The following RBPMS variants were observed in gnomAD, a reference collection of about 807,000 sequenced individuals.
The protein encoded by RBPMS is RNA binding protein, mRNA processing factor.
RBPMS carries 7 observed loss-of-function variants against 26.8 expected under a neutral mutation model. The ratio of observed to expected loss-of-function variants is 0.26; its 90% CI spans 0.15 to 0.49. The LOEUF is 0.49. Ranked by LOEUF, RBPMS falls within the 20% of genes least tolerant of loss-of-function variation. The pLI, the probability that RBPMS is intolerant of heterozygous loss-of-function variation, is 0.98. For synonymous variants in RBPMS, 96 were observed against 93.3 expected, an observed-to-expected ratio of 1.03 and a Z score of -0.17; for missense variants, 186 against 250.0, an observed-to-expected ratio of 0.74 and a Z score of 1.73.
intron 1 of RBPMS, among the ~76,000 whole-genome samples, chr8:30,411,414 C>T (rs577604669): frequency 6.6e-6 from 1 of 152,192 alleles, no homozygotes; most frequent in African/African-American, 2.4e-5. Flanking sequence ...CCTGTAATCC[C>T]AGCACATTGG....
intron 1 of RBPMS, among the ~76,000 whole-genome samples, chr8:30,427,234 C>G (rs913661533): frequency 7.2e-5 from 11 of 152,248 alleles, no homozygotes; most frequent in African/African-American, 2.7e-4. Context: ...TCCATACCCA[C>G]TCCAGCTCTA....
intron 1 of RBPMS, among the ~76,000 whole-genome samples, chr8:30,388,461 CTT>C (rs1428719973): frequency 1.3e-4 from 17 of 128,818 alleles, no homozygotes; most frequent in East Asian, 2.5e-4. Flanking sequence ...TATAAGCTAA[CTT>C]ATAACTTATA....
At chr8:30,480,575 T>C (rs912367987) in intron 4 of RBPMS, among the ~76,000 whole-genome samples, 7 of 152,208 alleles carry the variant, frequency 4.6e-5, no homozygotes, top group African/African-American at 1.4e-4. Flanking sequence ...GTCCAGACTT[T>C]TTCTGGATTT....
chr8:30,437,416 A>T (rs1444430827), intron 1 of RBPMS, among the ~76,000 whole-genome samples: 1 of 151,552 alleles, frequency 6.6e-6, no homozygotes, highest in Non-Finnish European at 1.5e-5. Flanking sequence ...GCACTTTGGG[A>T]GGCTGAGGCA....
rs530681009 is a variant in RBPMS, at chr8:30,479,503, A to C, written c.246+126A>C. The C allele has an allele frequency of 4.8e-4, 357 of 745,172 alleles. 1 individual carries two copies. Among genetic ancestry groups the C allele is most frequent in the Middle Eastern group, 1.4e-3 (6 of 4,174 alleles). 46.2% of individuals were successfully genotyped at this position (745,172 alleles called of 1,614,324 possible). On this transcript the variant is annotated intron_variant, in intron 4 of 8. Transcript: ENST00000397323. ...ACAGTCTAAGAGGGAGGGATTCATC[A>C]ATTTAATTAGCACTCTAAAGAGCTT...
chr8:30,384,768 C>T lies in RBPMS; in HGVS notation c.-325C>T, dbSNP rs2150519928. The T allele has an allele frequency of 8.1e-6, 2 of 246,592 alleles. No homozygotes were observed. The highest frequency in any genetic ancestry group is 1.5e-5 in the Non-Finnish European group (2 of 129,090). The allele number at this position is 246,592 out of a possible 1,614,324, so 15.3% of individuals were successfully genotyped here. ...TTGCTTCCTTCCTTCCTTCCTTCTT[C>T]CTTCCTCCCCTGGCTCCCGCCCTCC... On this transcript the variant is annotated 5_prime_UTR_variant, in exon 1 of 9. Coordinates refer to ENST00000397323, the MANE Select transcript of RBPMS (RefSeq NM_001008710.3). The surrounding 1 kb of genome is among the most constrained non-coding windows in gnomAD (Gnocchi z 5.6).
intron 5 of RBPMS, among the ~76,000 whole-genome samples, chr8:30,520,687 C>T (rs1156691981): frequency 1.3e-5 from 2 of 152,062 alleles, no homozygotes; most frequent in Non-Finnish European, 2.9e-5. Flanking sequence ...CTCCTTTATC[C>T]ACAGAAAAGG....
intron 1 of RBPMS, among the ~76,000 whole-genome samples, chr8:30,392,178 C>T (rs1807863132): frequency 6.6e-6 from 1 of 151,942 alleles, no homozygotes. Flanking sequence ...GCCAAACCTG[C>T]AAGGAAGGGA....
At chr8:30,413,822 A>C (rs898209945) in intron 1 of RBPMS, among the ~76,000 whole-genome samples, 1 of 152,186 alleles carries the variant, frequency 6.6e-6, no homozygotes, top group African/African-American at 2.4e-5. Flanking sequence ...CATGTTGGCC[A>C]GGCTGGTGTC....
At chr8:30,477,047 G>C (rs1269530829) in intron 2 of RBPMS, among the ~76,000 whole-genome samples, 1 of 151,432 alleles carries the variant, frequency 6.6e-6, no homozygotes, top group Non-Finnish European at 1.5e-5. Context: ...AATGTGGTCA[G>C]GGAGTTTTAC....
chr8:30,568,582 G>T (rs1333043430), intron 8 of RBPMS, among the ~76,000 whole-genome samples: 1 of 152,222 alleles, frequency 6.6e-6, no homozygotes, highest in Non-Finnish European at 1.5e-5. Context: ...AAGGAGATTT[G>T]TTCCCTGTCT....
chr8:30,433,693 A>G (rs2150677804), intron 1 of RBPMS, among the ~76,000 whole-genome samples: 1 of 152,266 alleles, frequency 6.6e-6, no homozygotes, highest in East Asian at 1.9e-4. Context: ...AAAGAAAAAG[A>G]GGGTGAATTC....
intron 6 of RBPMS, chr8:30,544,939 C>T: frequency 6.8e-7 from 1 of 1,474,456 alleles, no homozygotes; most frequent in African/African-American, 1.4e-5. Context: ...GAGGGCATCA[C>T]CAGAGTGTAT....
chr8:30,557,714 C>A (rs928382848), intron 6 of RBPMS, among the ~76,000 whole-genome samples: 1 of 152,254 alleles, frequency 6.6e-6, no homozygotes. Context: ...AGCAGCACTT[C>A]TGGGCTGCTC....
chr8:30,506,541 A>G (rs1166612736), intron 5 of RBPMS, among the ~76,000 whole-genome samples: 1 of 152,128 alleles, frequency 6.6e-6, no homozygotes, highest in African/African-American at 2.4e-5. Flanking sequence ...CAACTTGCTT[A>G]CCTGGAAGCA....
intron 1 of RBPMS, among the ~76,000 whole-genome samples, chr8:30,462,398 A>T (rs989241271): frequency 3.9e-5 from 6 of 152,156 alleles, no homozygotes; most frequent in African/African-American, 1.4e-4. Context: ...AATATTATAA[A>T]ATTAAGTAAC....
Position 30,384,732 on chromosome 8 carries a change from C to G in RBPMS, c.-361C>G. 5.2e-6 allele frequency: 1 copy of G among 193,398 alleles called. No homozygotes were observed. 12.0% of individuals were successfully genotyped at this position (193,398 alleles called of 1,614,324 possible). A position where few individuals can be genotyped will look rare whatever the true frequency, so the allele number is the denominator to read the frequency against. On this transcript the variant is annotated 5_prime_UTR_variant, in exon 1 of 9. Transcript: ENST00000397323. The surrounding 1 kb of genome is among the most constrained non-coding windows in gnomAD (Gnocchi z 5.6). ...CGCTTACTCCTGGGACGCGCGTCCT[C>G]GCCCCATCCTTTGCTTCCTTCCTTC...
chr8:30,565,223 GGA>G (rs1827802671), intron 7 of RBPMS: 2 of 152,192 alleles, frequency 1.3e-5, no homozygotes, highest in Non-Finnish European at 2.9e-5. Context: ...TTAAATCTGA[GGA>G]GAGAGATGTC....
In RBPMS at chr8:30,479,184, C is replaced by T. The variant is rs1585605669; in HGVS notation, c.184-131C>T. ...ACTGAGTCATGATTCTTCGGGACTTCGCTTTCTTATTTCTGCCCATTGCCT... is the reference window on the plus strand; with the variant it reads ...ACTGAGTCATGATTCTTCGGGACTTTGCTTTCTTATTTCTGCCCATTGCCT... On this transcript the variant is annotated intron_variant, in intron 3 of 8. Coordinates refer to ENST00000397323, the MANE Select transcript of RBPMS (RefSeq NM_001008710.3). The T allele has an allele frequency of 1.2e-5, 8 of 681,688 alleles. 1 individual carries two copies. The highest frequency in any genetic ancestry group is 8.1e-5 in the East Asian group (3 of 36,876). The allele number at this position is 681,688 out of a possible 1,614,324, so 42.2% of individuals were successfully genotyped here.
Sources: allele counts gnomAD v4.1 joint callset (sites outside exome capture counted in the v4.1 genomes callset), GRCh38; gene constraint gnomAD v4.1.1; non-coding constraint Gnocchi (gnomAD v3.1); transcripts MANE v1.5; gene names NCBI Gene and HGNC (gene_info 2026-07-23, HGNC 2026-07-21).